ATP10A: variants seen among roughly 807,000 people sequenced by gnomAD.
ATP10A encodes the protein ATPase phospholipid transporting 10A (putative).
Under a neutral mutation model 147.8 loss-of-function variants are expected in ATP10A, and 111 were observed. The ratio of observed to expected loss-of-function variants is 0.75; its 90% CI spans 0.64 to 0.88. The LOEUF (loss-of-function observed/expected upper bound fraction) is 0.88. ATP10A is among the 40% of genes least tolerant of loss of function. The pLI is 0.00. For missense variants in ATP10A, 1,927 were observed against 1,959.0 expected (o/e 0.98, Z 0.31); for synonymous variants, 875 against 841.6 (o/e 1.04, Z -0.69).
At chr15:25,745,843 C>T (rs1018673247) in intron 2 of ATP10A, among the ~76,000 whole-genome samples, 2 of 152,086 alleles carry the variant, frequency 1.3e-5, no homozygotes, top group African/African-American at 4.8e-5. Context: ...GTCAAAGATG[C>T]ATGTTGTAAT....
chr15:25,680,682 C>T, intron 19 of ATP10A, 128 bp downstream of exon 19: 2 of 876,086 alleles, frequency 2.3e-6, no homozygotes, highest in Non-Finnish European at 3.7e-6. Flanking sequence ...CTTCTCATCA[C>T]ACTGAGGTCA....
intron 10 of ATP10A, among the ~76,000 whole-genome samples, chr15:25,712,185 G>A (rs1431894322): frequency 1.3e-5 from 2 of 152,216 alleles, no homozygotes; most frequent in Non-Finnish European, 2.9e-5. Flanking sequence ...TGGGGGGGAC[G>A]GGGTGGAGTG....
At chr15:25,723,368 A>G (rs1902365454) in intron 6 of ATP10A, among the ~76,000 whole-genome samples, 1 of 151,926 alleles carries the variant, frequency 6.6e-6, no homozygotes, top group South Asian at 2.1e-4. Context: ...AAAAAGAGAA[A>G]AAAAAAACAA....
At chr15:25,675,458 T>C (rs1425210997), downstream of ATP10A, among the ~76,000 whole-genome samples, 1 of 151,970 alleles carries the variant, frequency 6.6e-6, no homozygotes, top group African/African-American at 2.4e-5. Context: ...TAGGTTGAGA[T>C]AAAAAAGGAG....
chr15:25,684,325 T>G (rs1353275083), intron 16 of ATP10A, among the ~76,000 whole-genome samples: 4 of 152,218 alleles, frequency 2.6e-5, no homozygotes, highest in African/African-American at 9.6e-5. Flanking sequence ...CTAACACTCA[T>G]GAGCTATGTA....
intron 13 of ATP10A, among the ~76,000 whole-genome samples, chr15:25,696,292 T>A (rs1358549209): frequency 6.6e-6 from 1 of 152,202 alleles, no homozygotes; most frequent in Non-Finnish European, 1.5e-5. Flanking sequence ...AGACAGCTGA[T>A]GCACACACAC....
rs770529746 is a variant in ATP10A at position 25,713,792 on chromosome 15, G to A, written c.2226C>T (p.Phe742=). 1.3e-5 allele frequency: 21 copies of A among 1,614,016 alleles called. No homozygotes were observed. Among genetic ancestry groups the A allele is most frequent in the East Asian group, 4.5e-5 (2 of 44,872 alleles). Residue 742 remains phenylalanine, a synonymous_variant, in exon 10 of 21, where the codon TTC becomes TTT. Coordinates refer to ENST00000555815, the MANE Select transcript of ATP10A (RefSeq NM_024490.4). ...CTGACATCCTCTTGCGGACGGAATCGAAACCCAGTGTGTGCAGGAGCTCGA... is the reference window on the plus strand; with the variant it reads ...CTGACATCCTCTTGCGGACGGAATCAAAACCCAGTGTGTGCAGGAGCTCGA... ...LTFELLHTLG[F]DSVRKRMSVV... is the part of the protein sequence containing the mutation.
chr15:25,718,787 TG>T (rs1902018439), intron 7 of ATP10A, among the ~76,000 whole-genome samples: 1 of 152,306 alleles, frequency 6.6e-6, no homozygotes, highest in South Asian at 2.1e-4. Context: ...CCAGTCATGC[TG>T]GGATGACGGT....
At chr15:25,692,321 C>T (rs1231902972) in intron 14 of ATP10A, among the ~76,000 whole-genome samples, 5 of 152,174 alleles carry the variant, frequency 3.3e-5, no homozygotes, top group Admixed American at 3.3e-4. Flanking sequence ...GAGAACTTCT[C>T]TTCATTCTGT....
intron 1 of ATP10A, among the ~76,000 whole-genome samples, chr15:25,849,657 G>A (rs1893192852): frequency 1.3e-5 from 2 of 152,096 alleles, no homozygotes; most frequent in African/African-American, 2.4e-5. Context: ...GGAGCACGGC[G>A]CAGCTGCAGG....
At chr15:25,687,557 C>A in intron 16 of ATP10A, 146 bp downstream of exon 16, 1 of 575,066 alleles carries the variant, frequency 1.7e-6, no homozygotes, top group South Asian at 3.9e-5. Flanking sequence ...CAGCCCAGGA[C>A]AGGGGACAAT....
intron 12 of ATP10A, among the ~76,000 whole-genome samples, chr15:25,707,074 G>A (rs1457036359): frequency 2.0e-5 from 3 of 152,206 alleles, no homozygotes; most frequent in South Asian, 2.1e-4. Context: ...CAAGTAATGT[G>A]TGGCCTCCTA....
chr15:25,679,364 C>A lies in ATP10A; in HGVS notation c.4477G>T (p.Ala1493Ser). 1 of 1,531,734 alleles carries A rather than the reference C, an allele frequency of 6.5e-7. No individual in the cohort carries two copies. The highest frequency in any genetic ancestry group is 8.8e-7 in the Non-Finnish European group (1 of 1,131,396). 94.9% of individuals were successfully genotyped at this position (1,531,734 alleles called of 1,614,324 possible). The change falls in exon 21 of 21, where the codon GCA becomes TCA. Residue 1493 changes from alanine (A) to serine (S), a missense_variant. By Grantham distance (99) the Ala-to-Ser change is moderately conservative. Coordinates refer to ENST00000555815, the MANE Select transcript of ATP10A (RefSeq NM_024490.4). ...QGPDHRLLIG[A>S]SSRRSQ is the part of the protein sequence containing the mutation. ...TTTCACTGTGACCGCCTTGAAGATG[C>A]TCCTATAAGTAGTCTGTGGTCTGGC...
intron 1 of ATP10A, among the ~76,000 whole-genome samples, chr15:25,844,710 G>A (rs980947379): frequency 5.3e-5 from 8 of 152,144 alleles, no homozygotes; most frequent in Non-Finnish European, 8.8e-5. Flanking sequence ...TGCGGTGGGC[G>A]AGCAGTGAGG....
chr15:25,743,434 T>C, intron 2 of ATP10A, among the ~76,000 whole-genome samples: 1 of 152,010 alleles, frequency 6.6e-6, no homozygotes. Flanking sequence ...TGCCTGGAGG[T>C]ATGAAGGATT....
At chr15:25,692,383 G>T (rs931468791) in intron 14 of ATP10A, among the ~76,000 whole-genome samples, 3 of 152,166 alleles carry the variant, frequency 2.0e-5, no homozygotes, top group Non-Finnish European at 4.4e-5. Context: ...CAGATATCTG[G>T]ACACCTTCGG....
intron 10 of ATP10A, among the ~76,000 whole-genome samples, chr15:25,712,283 T>C (rs1901477042): frequency 6.6e-6 from 1 of 152,192 alleles, no homozygotes; most frequent in Admixed American, 6.5e-5. Context: ...TGTTCTGCTT[T>C]TGAGGTTTTT....
intron 2 of ATP10A, among the ~76,000 whole-genome samples, chr15:25,740,263 T>TA (rs530566545): frequency 1.4e-4 from 21 of 152,148 alleles, no homozygotes; most frequent in Admixed American, 1.2e-3. Context: ...TTTTCTATCA[T>TA]AAAAAAACTA....
intron 1 of ATP10A, among the ~76,000 whole-genome samples, chr15:25,801,172 G>A (rs1424578057): frequency 1.3e-5 from 2 of 152,184 alleles, no homozygotes; most frequent in African/African-American, 4.8e-5. Context: ...GTGCATGCTG[G>A]AATTTGAGGA....
Sources: gnomAD v4.1 joint callset for allele counts (sites outside exome capture counted in the v4.1 genomes callset) on GRCh38, gnomAD v4.1.1 for gene constraint, MANE v1.5 for transcripts, NCBI Gene and HGNC (gene_info 2026-07-23, HGNC 2026-07-21) for gene names.